The following VPS54 variants were observed in gnomAD, a reference collection of about 807,000 sequenced individuals.
VPS54 encodes the protein VPS54 subunit of GARP complex, also known as vacuolar protein sorting-associated protein 54.
A neutral mutation model predicts 121.5 loss-of-function variants in VPS54; 45 were observed. The observed-to-expected ratio is 0.37, with a 90% CI of 0.29 to 0.47. VPS54 has a LOEUF of 0.47. Among genes scored for constraint, VPS54 ranks in the 20% least tolerant of loss-of-function variants. The pLI, the probability that VPS54 is intolerant of heterozygous loss-of-function variation, is 0.99. For synonymous variants in VPS54, 371 were observed against 385.8 expected (o/e 0.96, Z 0.45); for missense variants, 1,090 against 1,131.4 (o/e 0.96, Z 0.52).
rs749905431 is a variant in VPS54 at position 63,981,638 on chromosome 2, G to C, written c.378+8C>G. 7.0e-6 allele frequency: 11 copies of C among 1,567,996 alleles called. No homozygotes were observed. The highest frequency in any genetic ancestry group is 9.5e-6 in the Non-Finnish European group (11 of 1,157,216). Reference sequence around the variant, plus strand: ...ACCTGACTGTAACTAGCCAAGATTAGATATTACCTGAGAGATTTCCTGTTG... The same window carrying C: ...ACCTGACTGTAACTAGCCAAGATTACATATTACCTGAGAGATTTCCTGTTG... On this transcript the variant is annotated splice_region_variant and intron_variant, in intron 3 of 22. Transcript: ENST00000272322.
intron 11 of VPS54, 72 bp downstream of exon 11, chr2:63,942,393 T>G (rs1471076679): frequency 9.6e-7 from 1 of 1,038,600 alleles, no homozygotes; most frequent in Non-Finnish European, 1.3e-6. Context: ...TGAGTCTTTA[T>G]TTACATATTA....
chr2:64,015,954 T>C (rs572112033), intron 1 of VPS54, among the ~76,000 whole-genome samples: 1 of 152,254 alleles, frequency 6.6e-6, no homozygotes, highest in East Asian at 1.9e-4. Context: ...AAATGTCAAA[T>C]ACATACATAT....
chr2:63,984,610 G>A (rs1676955718), intron 1 of VPS54, among the ~76,000 whole-genome samples: 1 of 150,240 alleles, frequency 6.7e-6, no homozygotes, highest in Non-Finnish European at 1.5e-5. Flanking sequence ...CTGCTACATA[G>A]TAATATAATG....
intron 3 of VPS54, among the ~76,000 whole-genome samples, chr2:63,980,117 CAT>C (rs773607606): frequency 7.2e-5 from 11 of 152,164 alleles, no homozygotes; most frequent in Non-Finnish European, 1.2e-4. Flanking sequence ...TTCTGCTTCA[CAT>C]GTTTTGAAGC....
In VPS54 at chr2:63,955,507, G is replaced by C. The variant is rs139595748; in HGVS notation, c.1011-6344C>G. Among the ~76,000 whole-genome samples, 382 of 151,862 alleles carry C rather than the reference G, an allele frequency of 2.5e-3. 2 individuals are homozygous for C. Among genetic ancestry groups the C allele is most frequent in the African/African-American group, 9.0e-3 (374 of 41,466 alleles). On this transcript the variant is annotated intron_variant, in intron 7 of 22. Coordinates refer to ENST00000272322, the MANE Select transcript of VPS54 (RefSeq NM_016516.3). ...AAATAATAAAACTTTCCCTCATTTC[G>C]GCACAACTTAAATGCAATGTTCTAT...
chr2:63,914,461 CACAAG>C (rs1358121608), intron 16 of VPS54, among the ~76,000 whole-genome samples, 174 bp from the exon 17 acceptor site: 1 of 152,160 alleles, frequency 6.6e-6, no homozygotes, highest in African/African-American at 2.4e-5. Context: ...TCTTGACTAA[CACAAG>C]ACAAGAGAGG....
intron 3 of VPS54, among the ~76,000 whole-genome samples, chr2:63,978,398 C>T (rs1007923598): frequency 2.6e-5 from 4 of 152,168 alleles, no homozygotes; most frequent in Non-Finnish European, 5.9e-5. Context: ...ATTTCAGTGC[C>T]TCTCAAATTT....
intron 1 of VPS54, among the ~76,000 whole-genome samples, chr2:64,012,293 T>C (rs1381312904): frequency 2.6e-5 from 4 of 152,036 alleles, no homozygotes; most frequent in Admixed American, 2.6e-4. Flanking sequence ...ATTTATGAGT[T>C]CCAATCTCAG....
chr2:63,928,832 A>G (rs972874586), intron 12 of VPS54, among the ~76,000 whole-genome samples: 1 of 146,632 alleles, frequency 6.8e-6, no homozygotes, highest in Non-Finnish European at 1.5e-5. Flanking sequence ...AAGCAAATGG[A>G]AAGCAAAAAA....
In VPS54 at chr2:63,957,953, A is replaced by AT. The variant is rs1272355964; in HGVS notation, c.1010+4104dup. ...CACTTTTTTAAAAGCTCTTCTGGAG[A>AT]TTTTATTATGCAGCCAGGATTAAGA... On this transcript the variant is annotated intron_variant, in intron 7 of 22. Coordinates refer to ENST00000272322, the MANE Select transcript of VPS54 (RefSeq NM_016516.3). Among the ~76,000 whole-genome samples, 7 of 152,194 alleles carry AT rather than the reference A, an allele frequency of 4.6e-5. 2 individuals are homozygous for AT. Among genetic ancestry groups the AT allele is most frequent in the African/African-American group, 1.7e-4 (7 of 41,526 alleles).
intron 12 of VPS54, among the ~76,000 whole-genome samples, chr2:63,923,619 T>G (rs906819499): frequency 1.3e-5 from 2 of 152,210 alleles, no homozygotes; most frequent in Non-Finnish European, 2.9e-5. Context: ...TATTCAGCCT[T>G]AAAAAGGAAG....
chr2:64,019,376 T>A lies in VPS54; in HGVS notation c.-459A>T, dbSNP rs1337032204. Among the ~76,000 whole-genome samples, 1 of 150,808 alleles carries A rather than the reference T, an allele frequency of 6.6e-6. No individual in the cohort carries two copies. The highest frequency in any genetic ancestry group is 2.4e-5 in the African/African-American group (1 of 41,196). On this transcript the variant is annotated 5_prime_UTR_variant, in exon 1 of 23. Transcript: ENST00000272322. ...CGCCGGCCCAGCCGGCTCGGCCCGG[T>A]CGGGTGCGGGGAGACAGCGCCGGAG...
intron 12 of VPS54, among the ~76,000 whole-genome samples, chr2:63,930,207 C>CA (rs929903492): frequency 2.6e-5 from 4 of 151,914 alleles, no homozygotes; most frequent in African/African-American, 9.7e-5. Flanking sequence ...AGAGACACAA[C>CA]AAAAAAAGAG....
Position 63,962,077 on chromosome 2 carries a change from G to T in VPS54, c.991C>A (p.Gln331Lys). Residue 331 changes from glutamine to lysine, a missense_variant, in exon 7 of 23, where the codon CAG (glutamine) becomes AAG (lysine). This residue lies in a region of VPS54 where 801 missense variants were observed against 757.0 expected (regional missense o/e 1.06). Transcript: ENST00000272322. ...ACATACCGGAAACTGTGAATGCCCT[G>T]AAGTTCCTGCTGTAGAACCTCTTGT... The part of the protein sequence containing the change: ...TTQEVLQQEL[Q>K]GIHSFRHLGS... 2 of 1,576,744 alleles carry T rather than the reference G, an allele frequency of 1.3e-6. No individual in the cohort carries two copies.
At chr2:63,965,314 A>T (rs1675942107) in intron 6 of VPS54, among the ~76,000 whole-genome samples, 1 of 152,046 alleles carries the variant, frequency 6.6e-6, no homozygotes, top group African/African-American at 2.4e-5. Context: ...ATCTCTACCA[A>T]AAATACAAAA....
At chr2:63,976,822 T>G (rs1411828752) in intron 3 of VPS54, among the ~76,000 whole-genome samples, 2 of 74,264 alleles carry the variant, frequency 2.7e-5, no homozygotes, top group Admixed American at 3.5e-4. Context: ...GCTTATATCT[T>G]CTCTTTTTTT....
chr2:64,006,783 TA>T (rs1319358940), intron 1 of VPS54, among the ~76,000 whole-genome samples: 1 of 152,078 alleles, frequency 6.6e-6, no homozygotes, highest in African/African-American at 2.4e-5. Flanking sequence ...CACGCCCAGC[TA>T]ATTTCTGTAA....
intron 12 of VPS54, among the ~76,000 whole-genome samples, chr2:63,928,049 A>T (rs1475012243): frequency 6.6e-6 from 1 of 152,244 alleles, no homozygotes; most frequent in African/African-American, 2.4e-5. Context: ...GGTGTACCTG[A>T]AAGTGATGGG....
chr2:63,968,861 G>C, intron 5 of VPS54, 96 bp downstream of exon 5: 1 of 918,006 alleles, frequency 1.1e-6, no homozygotes, highest in Non-Finnish European at 1.7e-6. Context: ...TAGCCAAAGG[G>C]TCAAAAAAAA....
Sources: allele counts gnomAD v4.1 joint callset (sites outside exome capture counted in the v4.1 genomes callset), GRCh38; gene constraint gnomAD v4.1.1; regional missense constraint gnomAD v4.1.1; transcripts MANE v1.5; gene names NCBI Gene and HGNC (gene_info 2026-07-23, HGNC 2026-07-21).